Variants in LRMDA observed in about 807,000 individuals in gnomAD.
LRMDA encodes leucine-rich melanocyte differentiation-associated protein.
In LRMDA, 18 loss-of-function variants were observed where a neutral mutation model predicts 29.8. The ratio of observed to expected loss-of-function variants is 0.60; its 90% CI spans 0.42 to 0.90. The LOEUF (loss-of-function observed/expected upper bound fraction) is 0.90. Among genes scored for constraint, LRMDA ranks in the 40% least tolerant of loss-of-function variants. The pLI, the probability that LRMDA is intolerant of heterozygous loss-of-function variation, is 0.00. For missense variants in LRMDA, 273 were observed against 273.9 expected, an observed-to-expected ratio of 1.00 and a Z score of 0.02; for synonymous variants, 125 against 109.4, an observed-to-expected ratio of 1.14 and a Z score of -0.89.
At chr10:75,504,412 G>A (rs949337933) in intron 2 of LRMDA, among the ~76,000 whole-genome samples, 16 of 152,158 alleles carry the variant, frequency 1.1e-4, no homozygotes, top group African/African-American at 3.1e-4. Context: ...GGTTTGGGGG[G>A]ATGGGGCAGG....
chr10:75,946,777 G>T (rs573240954), intron 2 of LRMDA, among the ~76,000 whole-genome samples: 1 of 152,044 alleles, frequency 6.6e-6, no homozygotes, highest in African/African-American at 2.4e-5. Context: ...GTTACATCCC[G>T]CCTGCTACAG....
At chr10:76,227,134 T>C (rs1406829780) in intron 5 of LRMDA, among the ~76,000 whole-genome samples, 2 of 152,208 alleles carry the variant, frequency 1.3e-5, no homozygotes, top group Non-Finnish European at 2.9e-5. Context: ...GAGTTGGTTA[T>C]GTTCTATCAA....
At chr10:76,392,878 T>A (rs1455204573) in intron 6 of LRMDA, among the ~76,000 whole-genome samples, 1 of 152,086 alleles carries the variant, frequency 6.6e-6, no homozygotes, top group Admixed American at 6.6e-5. Context: ...ACCACCATTC[T>A]CCTCTCTGCT....
chr10:76,442,824 T>A (rs916267642), intron 6 of LRMDA, among the ~76,000 whole-genome samples: 12 of 152,242 alleles, frequency 7.9e-5, no homozygotes, highest in Admixed American at 7.9e-4. Flanking sequence ...TCTTACGTAA[T>A]GAATAAACTC....
At chr10:75,672,276 G>C (rs762846566) in intron 2 of LRMDA, among the ~76,000 whole-genome samples, 84 of 152,040 alleles carry the variant, frequency 5.5e-4, no homozygotes, top group Non-Finnish European at 9.3e-4. Flanking sequence ...GGTCTACCCA[G>C]ACAAGCCCGG....
intron 5 of LRMDA, among the ~76,000 whole-genome samples, chr10:76,255,056 G>C (rs1018606815): frequency 5.3e-5 from 8 of 152,138 alleles, no homozygotes; most frequent in African/African-American, 1.9e-4. Context: ...CTCATAGCCA[G>C]CAACATGATT....
chr10:75,797,794 TTGA>T (rs1843678624), intron 2 of LRMDA, among the ~76,000 whole-genome samples: 1 of 152,208 alleles, frequency 6.6e-6, no homozygotes, highest in South Asian at 2.1e-4. Context: ...CATTTGTCAG[TTGA>T]TGATGAACAA....
At chr10:76,250,867 C>G (rs944590083) in intron 5 of LRMDA, among the ~76,000 whole-genome samples, 1 of 152,170 alleles carries the variant, frequency 6.6e-6, no homozygotes, top group Admixed American at 6.6e-5. Context: ...CAAACCCTCT[C>G]TGCTATCAAT....
At chr10:76,443,559 C>T (rs1842325109) in intron 6 of LRMDA, among the ~76,000 whole-genome samples, 1 of 152,174 alleles carries the variant, frequency 6.6e-6, no homozygotes, top group Admixed American at 6.5e-5. Flanking sequence ...TAAGGGGTCT[C>T]ACCAGATGAA....
chr10:76,124,059 C>T (rs185567531), intron 5 of LRMDA, among the ~76,000 whole-genome samples: 2 of 152,254 alleles, frequency 1.3e-5, no homozygotes, highest in East Asian at 3.9e-4. Context: ...GTCTCATTTC[C>T]GCCTTGCTTT....
At chr10:76,432,658 A>G (rs1252675465) in intron 6 of LRMDA, among the ~76,000 whole-genome samples, 1 of 152,198 alleles carries the variant, frequency 6.6e-6, no homozygotes, top group Non-Finnish European at 1.5e-5. Context: ...TAATGTAACA[A>G]CAGAAGGTTC....
intron 2 of LRMDA, among the ~76,000 whole-genome samples, chr10:75,580,216 C>G (rs1840569401): frequency 1.3e-5 from 2 of 152,320 alleles, no homozygotes; most frequent in Admixed American, 1.3e-4. Flanking sequence ...TAAAAAACTT[C>G]AGCAAAGTCT....
At chr10:75,877,053 A>G (rs958781859) in intron 2 of LRMDA, among the ~76,000 whole-genome samples, 47 of 152,202 alleles carry the variant, frequency 3.1e-4, no homozygotes, top group African/African-American at 1.7e-4. Flanking sequence ...TTGTCTGTAT[A>G]TGGCTCAGGA....
At chr10:75,719,840 T>G (rs1216251817) in intron 2 of LRMDA, among the ~76,000 whole-genome samples, 1 of 152,216 alleles carries the variant, frequency 6.6e-6, no homozygotes, top group Non-Finnish European at 1.5e-5. Flanking sequence ...AGGCCTACTT[T>G]CCCAATTACT....
chr10:75,582,563 ACCT>A (rs1840608131), intron 2 of LRMDA, among the ~76,000 whole-genome samples: 1 of 151,996 alleles, frequency 6.6e-6, no homozygotes, highest in South Asian at 2.1e-4. Flanking sequence ...AACTATTCTG[ACCT>A]CCTAGGCCTC....
chr10:75,907,319 C>G (rs542661412), intron 2 of LRMDA, among the ~76,000 whole-genome samples: 62 of 152,054 alleles, frequency 4.1e-4, no homozygotes, highest in Admixed American at 7.9e-4. Flanking sequence ...ATGATTTATA[C>G]AGGTTTCTGT....
At chr10:75,943,370 A>G (rs1195025788) in intron 2 of LRMDA, among the ~76,000 whole-genome samples, 2 of 152,190 alleles carry the variant, frequency 1.3e-5, no homozygotes, top group Non-Finnish European at 2.9e-5. Flanking sequence ...CATTTTACAG[A>G]TGAGAAAACA....
At chr10:75,554,160 G>T (rs1471621799) in intron 2 of LRMDA, among the ~76,000 whole-genome samples, 1 of 152,086 alleles carries the variant, frequency 6.6e-6, no homozygotes, top group Non-Finnish European at 1.5e-5. Context: ...TTATGATTTT[G>T]TAGATTATCT....
chr10:75,445,701 G>C (rs1844385261), intron 2 of LRMDA, among the ~76,000 whole-genome samples: 1 of 152,176 alleles, frequency 6.6e-6, no homozygotes, highest in Non-Finnish European at 1.5e-5. Context: ...CCTCCCCCAG[G>C]GGCCCTGAGT....
Sources: allele counts gnomAD v4.1 joint callset (sites outside exome capture counted in the v4.1 genomes callset), GRCh38; gene constraint gnomAD v4.1.1; transcripts MANE v1.5; gene names NCBI Gene and HGNC (gene_info 2026-07-23, HGNC 2026-07-21).